Variants in SIPA1L3 observed in about 807,000 individuals in gnomAD.
SIPA1L3 encodes the protein signal induced proliferation associated 1 like 3.
A neutral mutation model predicts 150.1 loss-of-function variants in SIPA1L3; 59 were observed. The observed-to-expected ratio is 0.39, with a 90% CI of 0.32 to 0.49. The LOEUF is 0.49. SIPA1L3 is among the 20% of genes least tolerant of loss of function. The pLI is 0.86. For missense variants in SIPA1L3, 2,211 were observed against 2,489.5 expected, an observed-to-expected ratio of 0.89 and a Z score of 2.38; for synonymous variants, 1,070 against 1,077.6, an observed-to-expected ratio of 0.99 and a Z score of 0.14.
At chr19:38,145,923 C>T (rs1045130750) in intron 12 of SIPA1L3, among the ~76,000 whole-genome samples, 25 of 151,860 alleles carry the variant, frequency 1.6e-4, no homozygotes, top group Admixed American at 1.1e-3. Context: ...TGCAATGGCA[C>T]GATCATATAG....
intron 1 of SIPA1L3, among the ~76,000 whole-genome samples, chr19:37,922,952 C>T (rs1568464776): frequency 6.7e-6 from 1 of 150,298 alleles, no homozygotes; most frequent in Non-Finnish European, 1.5e-5. Flanking sequence ...TACGGTGAAA[C>T]CCTGTCTCTA....
intron 1 of SIPA1L3, among the ~76,000 whole-genome samples, chr19:37,997,031 A>G (rs530464590): frequency 6.6e-6 from 1 of 152,040 alleles, no homozygotes; most frequent in Admixed American, 6.6e-5. Context: ...CCCAGGGAAT[A>G]TTCCATTTGG....
intron 1 of SIPA1L3, among the ~76,000 whole-genome samples, chr19:37,928,048 A>C (rs2046522022): frequency 6.6e-6 from 1 of 152,130 alleles, no homozygotes; most frequent in South Asian, 2.1e-4. Context: ...CGTTTGGTAG[A>C]ATGGTTCCTT....
intron 12 of SIPA1L3, among the ~76,000 whole-genome samples, chr19:38,151,742 C>G (rs570568850): frequency 6.6e-6 from 1 of 152,038 alleles, no homozygotes; most frequent in African/African-American, 2.4e-5. Flanking sequence ...GTAGGCAAAT[C>G]GCTTGGGCCC....
intron 2 of SIPA1L3, among the ~76,000 whole-genome samples, chr19:38,064,783 A>G (rs1599985551): frequency 6.6e-6 from 1 of 152,228 alleles, no homozygotes; most frequent in African/African-American, 2.4e-5. Context: ...GCATTTATTA[A>G]CCCACATCTT....
At chr19:38,186,889 T>G (rs543892179) in intron 16 of SIPA1L3, among the ~76,000 whole-genome samples, 35 of 150,274 alleles carry the variant, frequency 2.3e-4, no homozygotes, top group Non-Finnish European at 4.3e-4. Flanking sequence ...ACATCCCATG[T>G]ACAGCTACTC....
At chr19:38,117,794 C>CTT (rs147980498) in intron 8 of SIPA1L3, among the ~76,000 whole-genome samples, 4 of 150,814 alleles carry the variant, frequency 2.7e-5, no homozygotes, top group African/African-American at 9.7e-5. Flanking sequence ...ATCATTTTCT[C>CTT]TTTTTTTTTG....
intron 1 of SIPA1L3, among the ~76,000 whole-genome samples, chr19:37,995,107 T>G (rs972728608): frequency 6.6e-6 from 1 of 152,098 alleles, no homozygotes; most frequent in Non-Finnish European, 1.5e-5. Context: ...CCTTTCCGTT[T>G]GAAAGAGAAT....
chr19:37,953,373 G>A (rs1232319524), intron 1 of SIPA1L3, among the ~76,000 whole-genome samples: 2 of 152,218 alleles, frequency 1.3e-5, no homozygotes, highest in Non-Finnish European at 2.9e-5. Flanking sequence ...GGTTGACCCA[G>A]TGTGTACCTC....
At chr19:38,125,658 GTCTC>G (rs1217591288) in intron 9 of SIPA1L3, among the ~76,000 whole-genome samples, 1 of 152,144 alleles carries the variant, frequency 6.6e-6, no homozygotes, top group South Asian at 2.1e-4. Context: ...GTGACAGTGA[GTCTC>G]TCTCTTTGTG....
intron 1 of SIPA1L3, among the ~76,000 whole-genome samples, chr19:37,909,279 C>T (rs1028684005): frequency 1.3e-5 from 2 of 152,214 alleles, no homozygotes; most frequent in African/African-American, 4.8e-5. Flanking sequence ...ACAATCTCAG[C>T]TCACTGAAGC....
rs1973239221 is a variant in SIPA1L3 at position 38,207,222 on chromosome 19, C to G, written c.*982C>G. On this transcript the variant is annotated 3_prime_UTR_variant, in exon 22 of 22. Transcript: ENST00000222345. Reference sequence around the variant, plus strand: ...TCATCTCCTCCTCTGGTTTTTTTTTCCTTTGCAAGTCTCCCAGCCCATCTC... The same window carrying G: ...TCATCTCCTCCTCTGGTTTTTTTTTGCTTTGCAAGTCTCCCAGCCCATCTC... 6.6e-6 allele frequency: 1 copy of G among 150,750 alleles called. No homozygotes were observed. The highest frequency in any genetic ancestry group is 2.1e-4 in the South Asian group (1 of 4,766). 9.3% of individuals were successfully genotyped at this position (150,750 alleles called of 1,614,324 possible).
intron 15 of SIPA1L3, among the ~76,000 whole-genome samples, chr19:38,168,315 A>T (rs1485755889): frequency 6.6e-6 from 1 of 152,082 alleles, no homozygotes; most frequent in Admixed American, 6.6e-5. Flanking sequence ...TGAACCTGGG[A>T]GGTGGAGGGT....
chr19:37,912,447 T>G (rs2046384422), intron 1 of SIPA1L3, among the ~76,000 whole-genome samples: 1 of 152,090 alleles, frequency 6.6e-6, no homozygotes, highest in African/African-American at 2.4e-5. Context: ...ATAGGGTGGT[T>G]GTTGAGAGGT....
intron 15 of SIPA1L3, among the ~76,000 whole-genome samples, chr19:38,172,608 A>G (rs989390739): frequency 6.6e-6 from 1 of 151,946 alleles, no homozygotes; most frequent in Non-Finnish European, 1.5e-5. Context: ...GGGTGAACTT[A>G]CTCTCAATGC....
chr19:38,193,383 AAGGG>A lies in SIPA1L3; in HGVS notation c.4597-142_4597-139del, dbSNP rs971258066. ...AGGAAGGAGGGAGGGGGGAGGGAGG[AAGGG>A]AGGGAGGGAGGAAGGAAGGAAATGG... On this transcript the variant is annotated intron_variant, in intron 17 of 21. Transcript: ENST00000222345. 3.0e-5 allele frequency among the ~76,000 whole-genome samples: 3 copies of A among 100,304 alleles called. No homozygotes were observed. In the Admixed American group the frequency reaches 3.7e-4, roughly 12 times the overall value. 65.8% of individuals were successfully genotyped at this position (100,304 alleles called of 152,430 possible). A position where few individuals can be genotyped will look rare whatever the true frequency, so the allele number is the denominator to read the frequency against.
chr19:38,069,664 T>A (rs1969672333), intron 2 of SIPA1L3, among the ~76,000 whole-genome samples: 6 of 152,036 alleles, frequency 3.9e-5, no homozygotes, highest in Admixed American at 3.9e-4. Flanking sequence ...ATATATTTTT[T>A]TTTATTTTTT....
intron 1 of SIPA1L3, among the ~76,000 whole-genome samples, chr19:37,999,000 CA>C (rs1396269397): frequency 7.2e-5 from 11 of 151,760 alleles, no homozygotes; most frequent in African/African-American, 2.4e-4. Context: ...CACACACACA[CA>C]CACACACACA....
chr19:38,174,218 T>C (rs1469952368), intron 15 of SIPA1L3, among the ~76,000 whole-genome samples: 2 of 152,128 alleles, frequency 1.3e-5, no homozygotes, highest in Admixed American at 1.3e-4. Flanking sequence ...ACCCTCTCTG[T>C]GTCTGCTTCC....
Sources: allele counts gnomAD v4.1 joint callset (sites outside exome capture counted in the v4.1 genomes callset), GRCh38; gene constraint gnomAD v4.1.1; transcripts MANE v1.5; gene names NCBI Gene and HGNC (gene_info 2026-07-23, HGNC 2026-07-21).